The following PTPRM variants were observed in gnomAD, a reference collection of about 807,000 sequenced individuals.
PTPRM encodes the protein protein tyrosine phosphatase receptor type M, also known as receptor-type tyrosine-protein phosphatase mu.
PTPRM carries 47 observed loss-of-function variants against 186.7 expected under a neutral mutation model. That is an observed-to-expected ratio of 0.25 (90% CI 0.20 to 0.32). PTPRM has a LOEUF of 0.32. Ranked by LOEUF, PTPRM falls within the 10% of genes least tolerant of loss-of-function variation. The pLI is 1.00. For missense variants in PTPRM, 1,494 were observed against 1,865.0 expected (o/e 0.80, Z 3.66); for synonymous variants, 668 against 674.9 (o/e 0.99, Z 0.16).
intron 14 of PTPRM, among the ~76,000 whole-genome samples, chr18:8,174,521 G>A (rs2093452852): frequency 6.6e-6 from 1 of 152,166 alleles, no homozygotes; most frequent in Admixed American, 6.5e-5. Flanking sequence ...TTTGATGAAA[G>A]AATTATCAAC....
At chr18:8,278,494 CCCTT>C (rs2094863335) in intron 19 of PTPRM, among the ~76,000 whole-genome samples, 1 of 152,180 alleles carries the variant, frequency 6.6e-6, no homozygotes, top group African/African-American at 2.4e-5. Flanking sequence ...TTAAACCTCA[CCCTT>C]CACTTCTGAT....
At chr18:7,817,964 G>C (rs898787189) in intron 2 of PTPRM, among the ~76,000 whole-genome samples, 2 of 152,214 alleles carry the variant, frequency 1.3e-5, no homozygotes, top group Non-Finnish European at 2.9e-5. Flanking sequence ...AGCTCCGCAA[G>C]GCAGATGGTA....
intron 1 of PTPRM, among the ~76,000 whole-genome samples, chr18:7,621,813 A>G (rs1264608264): frequency 6.6e-6 from 1 of 152,142 alleles, no homozygotes; most frequent in Non-Finnish European, 1.5e-5. Flanking sequence ...ATTTCTATTT[A>G]GTGCCTAATA....
At chr18:8,069,179 A>C (rs554490352) in intron 7 of PTPRM, among the ~76,000 whole-genome samples, 1 of 151,506 alleles carries the variant, frequency 6.6e-6, no homozygotes, top group East Asian at 1.9e-4. Flanking sequence ...AAAGAGGCTT[A>C]AGTAAGATAG....
At chr18:8,016,214 A>G (rs937674398) in intron 7 of PTPRM, among the ~76,000 whole-genome samples, 1 of 152,136 alleles carries the variant, frequency 6.6e-6, no homozygotes, top group Non-Finnish European at 1.5e-5. Context: ...ATCATAATTA[A>G]CCTCACCTAA....
chr18:8,031,438 G>A (rs1461413580), intron 7 of PTPRM, among the ~76,000 whole-genome samples: 12 of 152,246 alleles, frequency 7.9e-5, no homozygotes, highest in Admixed American at 7.2e-4. Flanking sequence ...CAACAAACAC[G>A]GCAATAATTC....
intron 7 of PTPRM, among the ~76,000 whole-genome samples, chr18:7,978,031 C>T (rs951274615): frequency 2.9e-4 from 44 of 152,340 alleles, no homozygotes; most frequent in African/African-American, 1.0e-3. Context: ...TGCAGTGCGT[C>T]TGTTTACAGA....
chr18:8,046,136 C>G (rs1243359925), intron 7 of PTPRM, among the ~76,000 whole-genome samples: 1 of 152,150 alleles, frequency 6.6e-6, no homozygotes, highest in Non-Finnish European at 1.5e-5. Context: ...CTTATTGTCT[C>G]TGCTGCCACC....
At chr18:8,057,280 C>T (rs1326004888) in intron 7 of PTPRM, among the ~76,000 whole-genome samples, 1 of 151,748 alleles carries the variant, frequency 6.6e-6, no homozygotes, top group Middle Eastern at 3.2e-3. Flanking sequence ...TTAGTGGATA[C>T]ACAGAATATT....
chr18:8,337,147 A>G (rs1326087510), intron 22 of PTPRM, among the ~76,000 whole-genome samples: 1 of 152,152 alleles, frequency 6.6e-6, no homozygotes, highest in Non-Finnish European at 1.5e-5. Context: ...AACTACTCAT[A>G]TATGCCTTAG....
In PTPRM at chr18:7,888,267, G is replaced by A; in HGVS notation, c.358G>A (p.Val120Ile). The A allele has an allele frequency of 6.2e-7, 1 of 1,614,132 alleles. No homozygotes were observed. The highest frequency in any genetic ancestry group is 8.5e-7 in the Non-Finnish European group (1 of 1,180,020). The change falls in exon 3 of 33, where the codon GTC becomes ATC. Residue 120 changes from valine (V) to isoleucine (I), a missense_variant. By Grantham distance (29) the Val-to-Ile change is conservative. Transcript: ENST00000580170. ...GGGGTTACTCAATGTCTACGTGAAG[G>A]TCAATAACGGGCCACTGGGGAATCC... ...PPGLLNVYVK[V>I]NNGPLGNPIW...
At chr18:7,674,850 A>G (rs2039298868) in intron 1 of PTPRM, among the ~76,000 whole-genome samples, 1 of 152,224 alleles carries the variant, frequency 6.6e-6, no homozygotes, top group Non-Finnish European at 1.5e-5. Context: ...GTATTTCTGT[A>G]GTTACATAGA....
At chr18:8,351,517 C>A (rs56137612) in intron 23 of PTPRM, among the ~76,000 whole-genome samples, 42,118 of 152,146 alleles carry the variant, frequency 0.28, 6,523 homozygotes, top group Middle Eastern at 0.51. Flanking sequence ...GGCTGTGGGT[C>A]CTTCCAGGTA....
intron 9 of PTPRM, among the ~76,000 whole-genome samples, chr18:8,077,729 T>C (rs2089904976): frequency 6.6e-6 from 1 of 152,190 alleles, no homozygotes. Flanking sequence ...AGTAACAGGA[T>C]TTTAAACTAG....
chr18:7,628,833 T>C (rs1285602763), intron 1 of PTPRM, among the ~76,000 whole-genome samples: 1 of 152,212 alleles, frequency 6.6e-6, no homozygotes, highest in Admixed American at 6.5e-5. Flanking sequence ...CTGTGTACTT[T>C]CCGTGCATGC....
chr18:8,213,760 A>G (rs1892330556), intron 14 of PTPRM, among the ~76,000 whole-genome samples: 1 of 152,192 alleles, frequency 6.6e-6, no homozygotes, highest in Non-Finnish European at 1.5e-5. Flanking sequence ...CTGGGTATGT[A>G]ACCAAAGGAA....
At chr18:7,633,368 A>G (rs982387529) in intron 1 of PTPRM, among the ~76,000 whole-genome samples, 1 of 152,122 alleles carries the variant, frequency 6.6e-6, no homozygotes. Flanking sequence ...CTCTTCCCCA[A>G]ATTCATCTTT....
intron 2 of PTPRM, among the ~76,000 whole-genome samples, chr18:7,868,680 G>A (rs946113926): frequency 2.0e-5 from 3 of 152,236 alleles, no homozygotes; most frequent in African/African-American, 7.2e-5. Flanking sequence ...AGGGGTCAGG[G>A]ACCCACTTGA....
At chr18:8,332,489 A>G (rs191398548) in intron 22 of PTPRM, among the ~76,000 whole-genome samples, 2 of 152,350 alleles carry the variant, frequency 1.3e-5, no homozygotes, top group East Asian at 1.9e-4. Context: ...AAATAGTCAC[A>G]TGGTTTATAT....
Sources: allele counts gnomAD v4.1 joint callset (sites outside exome capture counted in the v4.1 genomes callset), GRCh38; gene constraint gnomAD v4.1.1; transcripts MANE v1.5; gene names NCBI Gene and HGNC (gene_info 2026-07-23, HGNC 2026-07-21).